ABHD12: variants seen among roughly 807,000 people sequenced by gnomAD.
The protein encoded by ABHD12 is lysophosphatidylserine lipase ABHD12.
ABHD12 carries 43 observed loss-of-function variants against 58.3 expected under a neutral mutation model. That is an observed-to-expected ratio of 0.74 (90% CI 0.58 to 0.95). The LOEUF (loss-of-function observed/expected upper bound fraction) is 0.95, where lower values mean the gene tolerates loss of function less well. Ranked by LOEUF, ABHD12 falls within the 40% of genes least tolerant of loss-of-function variation. The pLI is 0.00. For synonymous variants in ABHD12, 219 were observed against 211.2 expected, an observed-to-expected ratio of 1.04 and a Z score of -0.32; for missense variants, 539 against 537.2, an observed-to-expected ratio of 1.00 and a Z score of -0.03.
At chr20:25,369,427 C>T (rs2089869121) in intron 1 of ABHD12, among the ~76,000 whole-genome samples, 1 of 152,174 alleles carries the variant, frequency 6.6e-6, no homozygotes, top group Non-Finnish European at 1.5e-5. Context: ...CAGCACAGGT[C>T]AGCTGGAGTT....
chr20:25,326,540 T>C (rs1399698746), intron 2 of ABHD12, among the ~76,000 whole-genome samples: 1 of 152,218 alleles, frequency 6.6e-6, no homozygotes, highest in Non-Finnish European at 1.5e-5. Context: ...AAAAGTCTTA[T>C]CTGAGATTCC....
At chr20:25,327,500 C>T (rs987423038) in intron 2 of ABHD12, among the ~76,000 whole-genome samples, 1 of 151,562 alleles carries the variant, frequency 6.6e-6, no homozygotes, top group Non-Finnish European at 1.5e-5. Flanking sequence ...GGGATTGAAA[C>T]TACCATTGCA....
chr20:25,310,875 C>T (rs1220875847), intron 6 of ABHD12, among the ~76,000 whole-genome samples: 4 of 152,166 alleles, frequency 2.6e-5, no homozygotes, highest in Non-Finnish European at 4.4e-5. Flanking sequence ...GTAGACTCCA[C>T]GAGAACTGAA....
chr20:25,302,945 C>A (rs891098558), intron 11 of ABHD12, among the ~76,000 whole-genome samples: 1 of 152,174 alleles, frequency 6.6e-6, no homozygotes, highest in African/African-American at 2.4e-5. Flanking sequence ...CCTGCCATTA[C>A]CAAGACCCAG....
downstream of ABHD12, among the ~76,000 whole-genome samples, chr20:25,296,087 G>T (rs1158870727): frequency 1.3e-5 from 2 of 152,164 alleles, no homozygotes. Flanking sequence ...TTCTTACCTG[G>T]TGCTATCCCT....
At chr20:25,353,453 G>A (rs1468681238) in intron 1 of ABHD12, among the ~76,000 whole-genome samples, 1 of 152,116 alleles carries the variant, frequency 6.6e-6, no homozygotes, top group Non-Finnish European at 1.5e-5. Context: ...TCTTCCAAAA[G>A]ACAATGCTCT....
At chr20:25,354,399 C>T (rs2089641557) in intron 1 of ABHD12, among the ~76,000 whole-genome samples, 1 of 152,200 alleles carries the variant, frequency 6.6e-6, no homozygotes, top group Non-Finnish European at 1.5e-5. Context: ...ACCCCACTGA[C>T]CCCAGCTCTG....
At chr20:25,330,651 T>G (rs2089257557) in intron 2 of ABHD12, among the ~76,000 whole-genome samples, 1 of 152,216 alleles carries the variant, frequency 6.6e-6, no homozygotes, top group Admixed American at 6.5e-5. Flanking sequence ...AGCGGGTCCC[T>G]GACCCCTGAC....
intron 1 of ABHD12, among the ~76,000 whole-genome samples, chr20:25,348,806 G>A (rs183188019): frequency 6.6e-6 from 1 of 152,288 alleles, no homozygotes; most frequent in East Asian, 1.9e-4. Context: ...GATATTGGCG[G>A]TTGCGGTGGC....
intron 12 of ABHD12, among the ~76,000 whole-genome samples, chr20:25,301,448 T>C (rs964383663): frequency 1.3e-5 from 2 of 151,474 alleles, no homozygotes; most frequent in East Asian, 3.9e-4. Flanking sequence ...AAAAACTCTA[T>C]CACCATTAGC....
chr20:25,351,344 T>C (rs2089597950), intron 1 of ABHD12, among the ~76,000 whole-genome samples: 1 of 152,220 alleles, frequency 6.6e-6, no homozygotes, highest in African/African-American at 2.4e-5. Flanking sequence ...TACTGTCCCA[T>C]GATTAGTGCA....
At chr20:25,311,882 A>G (rs985142182) in intron 6 of ABHD12, among the ~76,000 whole-genome samples, 1 of 151,838 alleles carries the variant, frequency 6.6e-6, no homozygotes, top group Non-Finnish European at 1.5e-5. Context: ...TTTTTTTTGT[A>G]TTTTTAGTAG....
Position 25,383,954 on chromosome 20 carries a change from C to CAAA in ABHD12, c.191+6556_191+6558dup, listed in dbSNP as rs1201588127. On this transcript the variant is annotated intron_variant, in intron 1 of 12. Coordinates refer to ENST00000339157, the MANE Select transcript of ABHD12 (RefSeq NM_001042472.3). ...TGGGCAACAGAGGGAGACTCTTTCT[C>CAAA]AAAAAAAAAAAAAAAAAAAAGAAAA... 5.4e-3 allele frequency among the ~76,000 whole-genome samples: 289 copies of CAAA among 53,316 alleles called. 10 individuals carry two copies. The highest frequency in any genetic ancestry group is 0.012 in the African/African-American group (222 of 18,380). The allele number at this position is 53,316 out of a possible 152,430, so 35.0% of individuals were successfully genotyped here.
At chr20:25,390,477 G>GGGGGGGGCCCC in intron 1 of ABHD12, 36 bp downstream of exon 1, 2 of 98,522 alleles carry the variant, frequency 2.0e-5, no homozygotes, top group Non-Finnish European at 2.7e-5. Context: ...TGAGGGACCG[G>GGGGGGGGCCCC]CCCCCCCCCC....
intron 12 of ABHD12, among the ~76,000 whole-genome samples, chr20:25,301,599 C>T (rs2088636633): frequency 6.6e-6 from 1 of 152,258 alleles, no homozygotes; most frequent in Non-Finnish European, 1.5e-5. Context: ...GGCCTGTGTC[C>T]TCTGACAGGC....
chr20:25,315,122 G>T, intron 5 of ABHD12, 152 bp from the exon 6 acceptor site: 1 of 852,686 alleles, frequency 1.2e-6, no homozygotes, highest in Non-Finnish European at 1.9e-6. Context: ...CTGACTCCTG[G>T]CTGGGTTTTA....
At chr20:25,310,837 G>A (rs1044709203) in intron 6 of ABHD12, among the ~76,000 whole-genome samples, 1 of 152,234 alleles carries the variant, frequency 6.6e-6, no homozygotes, top group Non-Finnish European at 1.5e-5. Flanking sequence ...CGGAGATGGA[G>A]CTGGCAGTCT....
chr20:25,363,799 AGG>A (rs1269216764), intron 1 of ABHD12, among the ~76,000 whole-genome samples: 2 of 152,086 alleles, frequency 1.3e-5, no homozygotes, highest in African/African-American at 4.8e-5. Context: ...CAGGAGGCGG[AGG>A]TTGCAGTGAG....
chr20:25,308,193 A>T lies in ABHD12; in HGVS notation c.788-148T>A. On this transcript the variant is annotated intron_variant, in intron 8 of 12. Coordinates refer to ENST00000339157, the MANE Select transcript of ABHD12 (RefSeq NM_001042472.3). ...ACCTCGGCAGGCCTCAGATAGCACC[A>T]GGGGTGCCCGCCAGGGGAACAGAGA... The T allele has an allele frequency of 4.0e-6, 3 of 753,148 alleles. No individual in the cohort carries two copies. The Admixed American group carries it at 6.4e-5, about 16-fold the overall frequency. The allele number at this position is 753,148 out of a possible 1,614,324, so 46.7% of individuals were successfully genotyped here.
Sources: allele counts gnomAD v4.1 joint callset (sites outside exome capture counted in the v4.1 genomes callset), GRCh38; gene constraint gnomAD v4.1.1; transcripts MANE v1.5; gene names NCBI Gene and HGNC (gene_info 2026-07-23, HGNC 2026-07-21).